The following MAP3K15 variants were observed in gnomAD, a reference collection of about 807,000 sequenced individuals.
The protein encoded by MAP3K15 is mitogen-activated protein kinase kinase kinase 15.
A neutral mutation model predicts 99.5 loss-of-function variants in MAP3K15; 124 were observed. That is an observed-to-expected ratio of 1.25 (90% CI 1.08 to 1.45). The LOEUF is 1.45. MAP3K15 is among the 40% of genes most tolerant of loss of function. The pLI is 0.00. For missense variants in MAP3K15, 1,242 were observed against 1,079.7 expected (o/e 1.15, Z -2.11); for synonymous variants, 494 against 439.6 (o/e 1.12, Z -1.55).
intron 4 of MAP3K15, among the ~76,000 whole-genome samples, chrX:19,462,197 C>G (rs960752733): frequency 4.2e-4 from 47 of 111,747 alleles, no homozygotes; most frequent in African/African-American, 1.5e-3. Flanking sequence ...AAAACAATGC[C>G]AAATATGTGT....
At chrX:19,397,340 A>AT (rs994509015) in intron 15 of MAP3K15, among the ~76,000 whole-genome samples, 6 of 112,073 alleles carry the variant, frequency 5.4e-5, no homozygotes, top group African/African-American at 1.9e-4. Flanking sequence ...CAAAAATCTG[A>AT]TTTTTTTTAT....
At chrX:19,377,945 G>A (rs1485373265) in intron 19 of MAP3K15, among the ~76,000 whole-genome samples, 3 of 112,300 alleles carry the variant, frequency 2.7e-5, no homozygotes, top group African/African-American at 9.7e-5. Flanking sequence ...GCAGCTGATA[G>A]GAGGTGAGAA....
In MAP3K15 at chrX:19,461,361, C is replaced by T. The variant is rs777953267; in HGVS notation, c.720-1208G>A. Among the ~76,000 whole-genome samples the T allele has an allele frequency of 2.7e-5, 3 of 112,217 alleles. No individual in the cohort carries two copies. In the South Asian group the frequency reaches 1.1e-3, roughly 41 times the overall value. On this transcript the variant is annotated intron_variant, in intron 4 of 28. Coordinates refer to ENST00000338883, the MANE Select transcript of MAP3K15 (RefSeq NM_001001671.4). Reference sequence around the variant, plus strand: ...CCACCTGCCTCAGCCTTCCAAAGTGCTGGGATTACAGGCGTGAGCCACCAT... The same window carrying T: ...CCACCTGCCTCAGCCTTCCAAAGTGTTGGGATTACAGGCGTGAGCCACCAT...
At chrX:19,394,333 CAG>C (rs764112351) in intron 16 of MAP3K15, among the ~76,000 whole-genome samples, 547 of 110,980 alleles carry the variant, frequency 4.9e-3, no homozygotes, top group Non-Finnish European at 8.0e-3. Flanking sequence ...CTCCAATTAT[CAG>C]AGTCATTATT....
intron 1 of MAP3K15, among the ~76,000 whole-genome samples, chrX:19,513,620 T>A (rs1174285053): frequency 9.0e-6 from 1 of 111,072 alleles, no homozygotes; most frequent in Admixed American, 9.5e-5. Flanking sequence ...AGATCTGCGC[T>A]GCCTCCAGCA....
At chrX:19,401,633 G>C (rs1390631699) in intron 13 of MAP3K15, among the ~76,000 whole-genome samples, 1 of 111,588 alleles carries the variant, frequency 9.0e-6, no homozygotes, top group African/African-American at 3.3e-5. Flanking sequence ...TAAGGGGAAT[G>C]GTGAGGAGGA....
chrX:19,377,613 G>A (rs1176834030), intron 19 of MAP3K15, among the ~76,000 whole-genome samples: 1 of 111,986 alleles, frequency 8.9e-6, no homozygotes, highest in Non-Finnish European at 1.9e-5. Flanking sequence ...AGCCAGGCAT[G>A]CCCTGCGGAG....
At chrX:19,449,284 T>G (rs967581482) in intron 6 of MAP3K15, among the ~76,000 whole-genome samples, 1 of 110,429 alleles carries the variant, frequency 9.1e-6, no homozygotes, top group Admixed American at 9.5e-5. Context: ...TGCAGTCATT[T>G]GCATATGGCA....
rs769764608 is a variant in MAP3K15 at position 19,506,290 on chromosome X, G to A, written c.361+8611C>T. 7.5e-5 allele frequency among the ~76,000 whole-genome samples: 8 copies of A among 106,510 alleles called. No individual in the cohort carries two copies. In the South Asian group the frequency reaches 1.2e-3, roughly 17 times the overall value. 92.5% of individuals were successfully genotyped at this position (106,510 alleles called of 115,157 possible). The stretch of plus-strand genomic sequence containing the variant: ...TTGCTATGTTGACCAGGCTGCTCTC[G>A]AACTCCTGACCTCAAGTGATCCACC... On this transcript the variant is annotated intron_variant, in intron 1 of 28. Coordinates refer to ENST00000338883, the MANE Select transcript of MAP3K15 (RefSeq NM_001001671.4).
chrX:19,394,712 C>T (rs2063552657), intron 16 of MAP3K15, among the ~76,000 whole-genome samples: 1 of 97,253 alleles, frequency 1.0e-5, no homozygotes. Flanking sequence ...GAACAAACTG[C>T]ATCAACAAAC....
intron 9 of MAP3K15, among the ~76,000 whole-genome samples, chrX:19,416,039 T>G (rs1222808124): frequency 8.9e-6 from 1 of 111,986 alleles, no homozygotes; most frequent in Admixed American, 9.5e-5. Flanking sequence ...TGCTTAAAAC[T>G]CCACCATGTG....
chrX:19,388,689 C>T (rs6527919), intron 18 of MAP3K15, among the ~76,000 whole-genome samples: 2,343 of 111,555 alleles, frequency 0.021, 72 homozygotes, highest in African/African-American at 0.073. Context: ...AAGTAATATG[C>T]CCAAGGTCAC....
chrX:19,416,470 A>G (rs1271475954), intron 9 of MAP3K15, among the ~76,000 whole-genome samples: 1 of 112,324 alleles, frequency 8.9e-6, no homozygotes, highest in Non-Finnish European at 1.9e-5. Flanking sequence ...CATTGTATTT[A>G]GTGTGACACC....
At chrX:19,433,980 C>G (rs2063903837) in intron 6 of MAP3K15, among the ~76,000 whole-genome samples, 1 of 110,917 alleles carries the variant, frequency 9.0e-6, no homozygotes, top group African/African-American at 3.3e-5. Flanking sequence ...GTGTAATTAC[C>G]CAGAGGAACA....
intron 1 of MAP3K15, among the ~76,000 whole-genome samples, chrX:19,499,186 C>A (rs2064425913): frequency 8.9e-6 from 1 of 111,862 alleles, no homozygotes. Flanking sequence ...TACTCAACAT[C>A]ATTAATCATG....
chrX:19,506,568 T>C (rs1352461027), intron 1 of MAP3K15, among the ~76,000 whole-genome samples: 1 of 111,336 alleles, frequency 9.0e-6, no homozygotes, highest in Non-Finnish European at 1.9e-5. Context: ...CCGCCCAGGC[T>C]GGAGTGCAGT....
chrX:19,494,784 AAGCGCT>A (rs2064389746), intron 1 of MAP3K15, among the ~76,000 whole-genome samples: 1 of 110,124 alleles, frequency 9.1e-6, no homozygotes, highest in African/African-American at 3.3e-5. Context: ...TCAAAATGAA[AAGCGCT>A]AGACTTCAGA....
At chrX:19,368,931 G>T in intron 25 of MAP3K15, 123 bp downstream of exon 25, 2 of 698,360 alleles carry the variant, frequency 2.9e-6, no homozygotes, top group Non-Finnish European at 3.8e-6. Context: ...CGTGGATGAT[G>T]AAGCTGCTTT....
rs751404109 is a variant in MAP3K15, at chrX:19,363,397, GT to G, written c.3567-548del. 5.3e-5 allele frequency among the ~76,000 whole-genome samples: 6 copies of G among 112,218 alleles called. No individual in the cohort carries two copies. In the East Asian group the frequency reaches 1.7e-3, roughly 31 times the overall value. On this transcript the variant is annotated intron_variant, in intron 25 of 28. Coordinates refer to ENST00000338883, the MANE Select transcript of MAP3K15 (RefSeq NM_001001671.4). ...GAACTGTGAGAAACACATTTCTGTT[GT>G]TTATAAGCTGCCTGGTCTCTGGTTA...
Sources: allele counts gnomAD v4.1 joint callset (sites outside exome capture counted in the v4.1 genomes callset), GRCh38; gene constraint gnomAD v4.1.1; transcripts MANE v1.5; gene names NCBI Gene and HGNC (gene_info 2026-07-23, HGNC 2026-07-21).